The following NUDT9 variants were observed in gnomAD, a reference collection of about 807,000 sequenced individuals.
NUDT9 encodes the protein nudix hydrolase 9, also known as ADP-ribose pyrophosphatase.
NUDT9 carries 31 observed loss-of-function variants against 41.0 expected under a neutral mutation model. The ratio of observed to expected loss-of-function variants is 0.76; its 90% CI spans 0.57 to 1.02. The LOEUF (loss-of-function observed/expected upper bound fraction) is 1.02. Among genes scored for constraint, NUDT9 ranks in the 50% least tolerant of loss-of-function variants. NUDT9 has a pLI of 0.00. For missense variants in NUDT9, 380 were observed against 431.4 expected (o/e 0.88, Z 1.06); for synonymous variants, 146 against 147.6 (o/e 0.99, Z 0.08).
intron 3 of NUDT9, among the ~76,000 whole-genome samples, chr4:87,441,224 C>T (rs754751850): frequency 7.9e-5 from 12 of 152,116 alleles, no homozygotes; most frequent in Non-Finnish European, 1.6e-4. Context: ...ATGACACAGG[C>T]ATGAGTATTG....
At chr4:87,438,117 G>T (rs1244594491) in intron 2 of NUDT9, among the ~76,000 whole-genome samples, 160 bp from the exon 3 acceptor site, 1 of 143,264 alleles carries the variant, frequency 7.0e-6, no homozygotes. Context: ...AAATTGTTTT[G>T]AAGGAATAAG....
At position 87,422,974 on chromosome 4, in the gene NUDT9, T is replaced by C. The variant is rs1381457631; in HGVS notation, c.69T>C (p.Thr23=). ...VSLSLALASV[T]IRSSRCRGIQ... Reference sequence around the variant, plus strand: ...TCTCTCTGGCCTTGGCCTCTGTGACTATCAGGTCCTCGCGCTGCCGCGGCA... The same window carrying C: ...TCTCTCTGGCCTTGGCCTCTGTGACCATCAGGTCCTCGCGCTGCCGCGGCA... The change falls in exon 1 of 8, where the codon ACT becomes ACC. Residue 23 remains threonine, a synonymous_variant. Transcript: ENST00000302174. 2 of 1,613,230 alleles carry C rather than the reference T, an allele frequency of 1.2e-6. No homozygotes were observed. Among genetic ancestry groups the C allele is most frequent in the Middle Eastern group, 3.3e-4 (2 of 6,060 alleles).
intron 4 of NUDT9, among the ~76,000 whole-genome samples, chr4:87,442,973 A>C (rs1483120096): frequency 2.0e-5 from 3 of 152,228 alleles, no homozygotes; most frequent in Admixed American, 6.5e-5. Context: ...AATGATAAAA[A>C]GTACAGTATA....
chr4:87,441,609 CTTTCTGGATCAAGT>C (rs1339023861), intron 3 of NUDT9, among the ~76,000 whole-genome samples: 2 of 152,108 alleles, frequency 1.3e-5, no homozygotes, highest in Non-Finnish European at 2.9e-5. Context: ...ATGAGAGCCT[CTTTCTGGATCAAGT>C]TTAAAGCATA....
At chr4:87,456,140 T>C (rs987238295) in intron 7 of NUDT9, among the ~76,000 whole-genome samples, 4 of 152,196 alleles carry the variant, frequency 2.6e-5, no homozygotes, top group Admixed American at 2.0e-4. Context: ...TGGAGACTTA[T>C]TAAATGAGGT....
chr4:87,444,333 A>G (rs1722352273), intron 4 of NUDT9, among the ~76,000 whole-genome samples: 1 of 152,056 alleles, frequency 6.6e-6, no homozygotes. Context: ...AGAGGCACCC[A>G]TTCTCACCCG....
At chr4:87,424,450 G>A (rs1721315515) in intron 1 of NUDT9, among the ~76,000 whole-genome samples, 1 of 151,984 alleles carries the variant, frequency 6.6e-6, no homozygotes. Context: ...GTAGAGACAG[G>A]GTTTCACCAT....
At chr4:87,424,836 T>G (rs1437663635) in intron 1 of NUDT9, among the ~76,000 whole-genome samples, 1 of 152,180 alleles carries the variant, frequency 6.6e-6, no homozygotes, top group Non-Finnish European at 1.5e-5. Context: ...CAGTTATTCT[T>G]CGTTTTTGTA....
Position 87,457,801 on chromosome 4 carries a change from G to T in NUDT9, c.875-42G>T, listed in dbSNP as rs769152878. 1.2e-5 allele frequency: 19 copies of T among 1,566,242 alleles called. No homozygotes were observed. The South Asian group carries it at 2.0e-4, about 17-fold the overall frequency. ...TTGACGACATAGATATGCTAAAACAGAAATGAGTTTTTCTTGGTGATGGTT... is the reference window on the plus strand; with the variant it reads ...TTGACGACATAGATATGCTAAAACATAAATGAGTTTTTCTTGGTGATGGTT... On this transcript the variant is annotated intron_variant, in intron 7 of 7. Coordinates refer to ENST00000302174, the MANE Select transcript of NUDT9 (RefSeq NM_024047.5).
intron 4 of NUDT9, among the ~76,000 whole-genome samples, chr4:87,442,597 T>C (rs1380685809): frequency 1.3e-5 from 2 of 152,256 alleles, no homozygotes; most frequent in Non-Finnish European, 2.9e-5. Flanking sequence ...TTGGCTTTTT[T>C]ATAGTAACAG....
intron 1 of NUDT9, among the ~76,000 whole-genome samples, chr4:87,427,187 A>G (rs1721467040): frequency 6.6e-6 from 1 of 152,200 alleles, no homozygotes; most frequent in African/African-American, 2.4e-5. Context: ...AAGTGAGTTA[A>G]TTTACAGTGC....
At chr4:87,455,354 C>T (rs1179224141) in intron 7 of NUDT9, among the ~76,000 whole-genome samples, 1 of 152,082 alleles carries the variant, frequency 6.6e-6, no homozygotes, top group Non-Finnish European at 1.5e-5. Flanking sequence ...AGTATGAAAA[C>T]TTAGAAGAAA....
chr4:87,434,894 C>T lies in NUDT9; in HGVS notation c.108-87C>T, dbSNP rs551737331. 33 of 1,187,636 alleles carry T rather than the reference C, an allele frequency of 2.8e-5. No individual in the cohort carries two copies. In the South Asian group the frequency reaches 4.8e-4, roughly 17 times the overall value. 73.6% of individuals were successfully genotyped at this position (1,187,636 alleles called of 1,614,324 possible). A position where few individuals can be genotyped will look rare whatever the true frequency, so the allele number is the denominator to read the frequency against. On this transcript the variant is annotated intron_variant, in intron 1 of 7. Transcript: ENST00000302174. ...TCGGCCTCACAAAGTGCTGGGATTA[C>T]AGGCGTAAGCCACTGCACCCGGCCT...
chr4:87,423,879 AGATGGG>A (rs1408529389), intron 1 of NUDT9, among the ~76,000 whole-genome samples: 2 of 152,224 alleles, frequency 1.3e-5, no homozygotes, highest in Non-Finnish European at 2.9e-5. Context: ...AGCAGGTACC[AGATGGG>A]TAGACTGGGA....
chr4:87,449,351 A>G (rs1285882461), intron 5 of NUDT9, 98 bp downstream of exon 5: 3 of 687,416 alleles, frequency 4.4e-6, no homozygotes, highest in East Asian at 2.7e-5. Context: ...ATTTTCCTCT[A>G]TTCCTTCCCA....
At chr4:87,440,015 C>T (rs1370528048) in intron 3 of NUDT9, among the ~76,000 whole-genome samples, 1 of 152,244 alleles carries the variant, frequency 6.6e-6, no homozygotes, top group Admixed American at 6.5e-5. Flanking sequence ...TTGCTAAGTT[C>T]TTTCTTTGGT....
chr4:87,434,825 G>A lies in NUDT9; in HGVS notation c.108-156G>A, dbSNP rs60540014. Among the ~76,000 whole-genome samples, 1,227 of 152,158 alleles carry A rather than the reference G, an allele frequency of 8.1e-3. 19 individuals carry two copies. Among genetic ancestry groups the A allele is most frequent in the African/African-American group, 0.028 (1,171 of 41,518 alleles). ...GTAGAGACGGCATTTCACCATGTTG[G>A]TCAGGCTGGTCTTGAACCCCTAACC... On this transcript the variant is annotated intron_variant, in intron 1 of 7. Transcript: ENST00000302174.
chr4:87,424,756 G>A (rs1028268256), intron 1 of NUDT9, among the ~76,000 whole-genome samples: 8 of 152,072 alleles, frequency 5.3e-5, no homozygotes, highest in African/African-American at 1.9e-4. Context: ...AGGAATACAC[G>A]TGTGTGCTCT....
chr4:87,428,884 C>A (rs939175169), intron 1 of NUDT9, among the ~76,000 whole-genome samples: 13 of 152,142 alleles, frequency 8.5e-5, no homozygotes, highest in Non-Finnish European at 1.6e-4. Context: ...TAAAATTGAA[C>A]CTACATTGAC....
Sources: allele counts gnomAD v4.1 joint callset (sites outside exome capture counted in the v4.1 genomes callset), GRCh38; gene constraint gnomAD v4.1.1; transcripts MANE v1.5; gene names NCBI Gene and HGNC (gene_info 2026-07-23, HGNC 2026-07-21).